The following PLD1 variants were observed in gnomAD, a reference collection of about 807,000 sequenced individuals.
PLD1 encodes the protein choline phosphatase 1.
In PLD1, 112 loss-of-function variants were observed where a neutral mutation model predicts 137.1. The observed-to-expected ratio is 0.82, with a 90% CI of 0.70 to 0.96. The LOEUF is 0.96. PLD1 is among the 40% of genes least tolerant of loss of function. PLD1 has a pLI of 0.00. For missense variants in PLD1, 1,321 were observed against 1,342.0 expected, an observed-to-expected ratio of 0.98 and a Z score of 0.24; for synonymous variants, 431 against 454.7, an observed-to-expected ratio of 0.95 and a Z score of 0.66.
At chr3:171,760,514 A>G (rs1366136859) in intron 1 of PLD1, among the ~76,000 whole-genome samples, 1 of 152,228 alleles carries the variant, frequency 6.6e-6, no homozygotes, top group Non-Finnish European at 1.5e-5. Context: ...GAGAATTTCT[A>G]TAAACTGCCT....
chr3:171,600,602 A>C lies in PLD1; in HGVS notation c.*2476T>G, dbSNP rs1731773888. The stretch of plus-strand genomic sequence containing the variant: ...GACAGGTAATTAAGTCATACAGTAC[A>C]TCTTGTGTCCACATTTCATGCAATT... On this transcript the variant is annotated 3_prime_UTR_variant, in exon 27 of 27. Transcript: ENST00000351298. 1 of 151,620 alleles carries C rather than the reference A, an allele frequency of 6.6e-6. No homozygotes were observed. Among genetic ancestry groups the C allele is most frequent in the Admixed American group, 6.6e-5 (1 of 15,186 alleles). The allele number at this position is 151,620 out of a possible 1,614,324, so 9.4% of individuals were successfully genotyped here. A position where few individuals can be genotyped will look rare whatever the true frequency, so the allele number is the denominator to read the frequency against.
chr3:171,677,542 G>A (rs772025890), intron 17 of PLD1, 24 bp downstream of exon 17: 3 of 1,608,528 alleles, frequency 1.9e-6, no homozygotes, highest in East Asian at 4.5e-5. Context: ...AATATAACCA[G>A]CACCCCACCA....
chr3:171,657,440 A>G (rs1031910618), intron 21 of PLD1, among the ~76,000 whole-genome samples: 1 of 152,246 alleles, frequency 6.6e-6, no homozygotes, highest in Non-Finnish European at 1.5e-5. Context: ...AAAGTAATGA[A>G]ATATAATGGT....
At chr3:171,752,282 T>C (rs1402929135) in intron 1 of PLD1, among the ~76,000 whole-genome samples, 1 of 152,208 alleles carries the variant, frequency 6.6e-6, no homozygotes, top group Non-Finnish European at 1.5e-5. Context: ...GAGGAAATGA[T>C]ACACAATAAC....
intron 22 of PLD1, among the ~76,000 whole-genome samples, chr3:171,644,590 A>G (rs2108379498): frequency 6.6e-6 from 1 of 152,338 alleles, no homozygotes; most frequent in South Asian, 2.1e-4. Context: ...AAGTACATGT[A>G]AAGCTCAATA....
chr3:171,620,056 G>A (rs1347707606), intron 24 of PLD1, among the ~76,000 whole-genome samples: 1 of 152,192 alleles, frequency 6.6e-6, no homozygotes, highest in Non-Finnish European at 1.5e-5. Context: ...ATTCTTCACA[G>A]ATAAAAATAG....
intron 19 of PLD1, among the ~76,000 whole-genome samples, chr3:171,674,161 T>C (rs1261974286): frequency 6.6e-6 from 1 of 152,242 alleles, no homozygotes; most frequent in Admixed American, 6.5e-5. Context: ...TCCTAGCTGC[T>C]AAGTTTCAGC....
rs1460095068 is a variant in PLD1, at chr3:171,737,970, G to C, written c.82C>G (p.Leu28Val). Residue 28 changes from leucine (L) to valine (V), a missense_variant, in exon 2 of 27, where the codon CTG becomes GTG. Coordinates refer to ENST00000351298, the MANE Select transcript of PLD1 (RefSeq NM_002662.5). ...AADMSNIIENLDTRELHFEGE... is the reference protein window; with the variant it reads ...AADMSNIIENVDTRELHFEGE... ...TCAAAGTGGAGTTCCCGCGTGTCCA[G>C]ATTTTCTATGATATTACTCATGTCA... 6.2e-7 allele frequency: 1 copy of C among 1,613,970 alleles called. No homozygotes were observed. The highest frequency in any genetic ancestry group is 8.5e-7 in the Non-Finnish European group (1 of 1,179,894).
chr3:171,784,353 C>T (rs1163888730), intron 1 of PLD1, among the ~76,000 whole-genome samples: 17 of 149,884 alleles, frequency 1.1e-4, no homozygotes, highest in Admixed American at 1.1e-3. Flanking sequence ...AGCACTAAGT[C>T]ACCTCATTCT....
chr3:171,686,388 A>G (rs141416779), intron 16 of PLD1, among the ~76,000 whole-genome samples: 3 of 152,314 alleles, frequency 2.0e-5, no homozygotes, highest in Non-Finnish European at 4.4e-5. Context: ...GTCTTTCTGC[A>G]TCATCAGAGA....
chr3:171,611,670 C>G (rs1174525908), intron 25 of PLD1: 1 of 518,378 alleles, frequency 1.9e-6, no homozygotes. Context: ...AATTTTACAC[C>G]AGCAGTCACT....
chr3:171,807,630 G>A (rs1723906014), intron 1 of PLD1, among the ~76,000 whole-genome samples: 1 of 152,114 alleles, frequency 6.6e-6, no homozygotes, highest in East Asian at 1.9e-4. Flanking sequence ...CGGTTGGAAC[G>A]TAAATTAGTT....
chr3:171,716,909 C>A (rs1717725716), intron 8 of PLD1, among the ~76,000 whole-genome samples: 1 of 152,018 alleles, frequency 6.6e-6, no homozygotes, highest in Non-Finnish European at 1.5e-5. Flanking sequence ...GGTCCAGTTT[C>A]AATCTTCTGC....
At chr3:171,805,713 TAAAA>T (rs972584889) in intron 1 of PLD1, among the ~76,000 whole-genome samples, 2 of 152,138 alleles carry the variant, frequency 1.3e-5, no homozygotes, top group Non-Finnish European at 2.9e-5. Flanking sequence ...GAAATGGAAA[TAAAA>T]AAACCTAAAA....
At chr3:171,699,704 A>C in intron 12 of PLD1, 41 bp downstream of exon 12, 1 of 1,368,960 alleles carries the variant, frequency 7.3e-7, no homozygotes, top group Non-Finnish European at 1.0e-6. Flanking sequence ...GACAACAGAC[A>C]GTTAAAAAAT....
intron 5 of PLD1, among the ~76,000 whole-genome samples, chr3:171,734,094 T>C (rs976148927): frequency 3.3e-5 from 5 of 152,210 alleles, no homozygotes; most frequent in African/African-American, 1.2e-4. Context: ...GCTGAATCAC[T>C]AAGTGTCATT....
rs370289639 is a variant in PLD1 at position 171,656,931 on chromosome 3, T to C, written c.2429+2282A>G. 3.9e-5 allele frequency among the ~76,000 whole-genome samples: 6 copies of C among 152,082 alleles called. 1 individual carries two copies. In the South Asian group the frequency reaches 1.2e-3, roughly 32 times the overall value. On this transcript the variant is annotated intron_variant, in intron 21 of 26. Coordinates refer to ENST00000351298, the MANE Select transcript of PLD1 (RefSeq NM_002662.5). The stretch of plus-strand genomic sequence containing the variant: ...CAGCCTGCATCCAATGGCTGGTCAA[T>C]AGGGGAAGGGAACTACAGGCCCAAC...
chr3:171,630,024 A>C (rs576336247), intron 23 of PLD1, among the ~76,000 whole-genome samples: 1 of 152,212 alleles, frequency 6.6e-6, no homozygotes, highest in Non-Finnish European at 1.5e-5. Context: ...GGATCTAATT[A>C]AACTAAAGAG....
At chr3:171,645,089 G>C in intron 21 of PLD1, 66 bp from the exon 22 acceptor site, 2 of 994,032 alleles carry the variant, frequency 2.0e-6, no homozygotes, top group Non-Finnish European at 3.2e-6. Context: ...TTAGATGACA[G>C]CCAAGCAGTT....
Sources: allele counts gnomAD v4.1 joint callset (sites outside exome capture counted in the v4.1 genomes callset), GRCh38; gene constraint gnomAD v4.1.1; transcripts MANE v1.5; gene names NCBI Gene and HGNC (gene_info 2026-07-23, HGNC 2026-07-21).